Variants in SPTBN1 observed in about 807,000 individuals in gnomAD.
The protein encoded by SPTBN1 is spectrin beta, non-erythrocytic 1.
Under a neutral mutation model 266.4 loss-of-function variants are expected in SPTBN1, and 32 were observed. The ratio of observed to expected loss-of-function variants is 0.12; its 90% CI spans 0.09 to 0.16. The LOEUF (loss-of-function observed/expected upper bound fraction) is 0.16. Among genes scored for constraint, SPTBN1 ranks in the 10% least tolerant of loss-of-function variants. The probability of loss-of-function intolerance (pLI) is 1.00; values close to 1 mark genes in which losing one functional copy is unlikely to be tolerated. For synonymous variants in SPTBN1, 1,336 were observed against 1,162.2 expected (o/e 1.15, Z -3.04); for missense variants, 2,296 against 3,067.1 (o/e 0.75, Z 5.94).
chr2:54,503,524 GAA>G (rs1669387714), intron 1 of SPTBN1, among the ~76,000 whole-genome samples: 1 of 152,226 alleles, frequency 6.6e-6, no homozygotes, highest in Admixed American at 6.5e-5. Context: ...AGCAGAATTT[GAA>G]AGTGTCCAAG....
rs1411591908 is a variant in SPTBN1 at position 54,612,342 on chromosome 2, T to G, written c.474+8T>G. 4 of 1,609,334 alleles carry G rather than the reference T, an allele frequency of 2.5e-6. No individual in the cohort carries two copies. Among genetic ancestry groups the G allele is most frequent in the Non-Finnish European group, 3.4e-6 (4 of 1,177,076 alleles). On this transcript the variant is annotated splice_region_variant and intron_variant, in intron 4 of 35. Coordinates refer to ENST00000356805, the MANE Select transcript of SPTBN1 (RefSeq NM_003128.3). ...ATCATCCTGCGCTTCCAGGTAAGGG[T>G]CTCTGCCCAGGGTTGCTCAGAACTT...
chr2:54,468,099 G>A (rs1424962634), intron 1 of SPTBN1, among the ~76,000 whole-genome samples: 1 of 152,096 alleles, frequency 6.6e-6, no homozygotes, highest in Non-Finnish European at 1.5e-5. Flanking sequence ...ATGAGGTCAG[G>A]AGTTTGAGAC....
chr2:54,631,407 G>T lies in SPTBN1; in HGVS notation c.3360G>T (p.Lys1120Asn), dbSNP rs200312638. 3 of 1,614,284 alleles carry T rather than the reference G, an allele frequency of 1.9e-6. No individual in the cohort carries two copies. The highest frequency in any genetic ancestry group is 2.2e-5 in the East Asian group (1 of 44,892). The stretch of plus-strand genomic sequence containing the variant: ...ACAACTACGAGGAGGACTACCAGAA[G>T]ATGAGGGACATGGGCGAGATGGTCA... Reference protein sequence around the residue: ...EIDNYEEDYQKMRDMGEMVTQ... With the variant: ...EIDNYEEDYQNMRDMGEMVTQ... The change falls in exon 16 of 36, where the codon AAG (lysine) becomes AAT (asparagine). Residue 1120 changes from lysine (K) to asparagine (N), a missense_variant. This residue lies in a region of SPTBN1 where 386 missense variants were observed against 486.1 expected (regional missense o/e 0.79). Transcript: ENST00000356805.
intron 2 of SPTBN1, among the ~76,000 whole-genome samples, chr2:54,578,339 T>C (rs1674629788): frequency 6.6e-6 from 1 of 152,248 alleles, no homozygotes; most frequent in Non-Finnish European, 1.5e-5. Context: ...CTGATTTTTC[T>C]TGACTTTAAA....
intron 32 of SPTBN1, 110 bp downstream of exon 32, chr2:54,660,109 A>C: frequency 6.2e-7 from 1 of 1,605,474 alleles, no homozygotes; most frequent in Non-Finnish European, 8.5e-7. Context: ...TTTGTCAAGA[A>C]TCACCCTTTC....
rs139409056 is a variant in SPTBN1 at position 54,529,370 on chromosome 2, G to T, written c.148+2804G>T. ...GATGGCACCGAAAGTGAAGAAGGAAGCTCCTGGCCCGCCTAAAGCTGAAGC... is the reference window on the plus strand; with the variant it reads ...GATGGCACCGAAAGTGAAGAAGGAATCTCCTGGCCCGCCTAAAGCTGAAGC... On this transcript the variant is annotated intron_variant, in intron 2 of 35. Coordinates refer to ENST00000356805, the MANE Select transcript of SPTBN1 (RefSeq NM_003128.3). 931 of 638,842 alleles carry T rather than the reference G, an allele frequency of 1.5e-3. 1 individual carries two copies. Among genetic ancestry groups the T allele is most frequent in the Admixed American group, 2.8e-3 (130 of 46,468 alleles). The allele number at this position is 638,842 out of a possible 1,614,324, so 39.6% of individuals were successfully genotyped here.
At chr2:54,530,353 CTT>C (rs549491367) in intron 2 of SPTBN1, among the ~76,000 whole-genome samples, 4,321 of 73,470 alleles carry the variant, frequency 0.059, 142 homozygotes, top group African/African-American at 0.22. Context: ...TTGTAAAAAA[CTT>C]TTTTTTTTTT....
intron 2 of SPTBN1, among the ~76,000 whole-genome samples, chr2:54,576,637 G>A (rs966475358): frequency 8.5e-5 from 13 of 152,178 alleles, no homozygotes; most frequent in Admixed American, 5.9e-4. Flanking sequence ...AATAAGTGCC[G>A]TGGAAGAAGG....
intron 2 of SPTBN1, chr2:54,529,578 A>G (rs767877468): frequency 5.6e-6 from 4 of 718,390 alleles, no homozygotes; most frequent in South Asian, 2.7e-5. Flanking sequence ...GCTATCATCA[A>G]GTTTCCTCTG....
chr2:54,631,960 C>G (rs994994333), intron 16 of SPTBN1, among the ~76,000 whole-genome samples: 3 of 151,894 alleles, frequency 2.0e-5, no homozygotes, highest in Non-Finnish European at 4.4e-5. Flanking sequence ...TCCTGTAATC[C>G]CAGCTCTTGG....
intron 1 of SPTBN1, among the ~76,000 whole-genome samples, chr2:54,502,385 G>GC (rs1669322482): frequency 6.6e-6 from 1 of 152,020 alleles, no homozygotes. Flanking sequence ...TTACCTGCAC[G>GC]CCCCCCAACC....
chr2:54,462,499 CT>C (rs1693416308), intron 1 of SPTBN1, among the ~76,000 whole-genome samples: 2 of 152,148 alleles, frequency 1.3e-5, no homozygotes, highest in Admixed American at 1.3e-4. Flanking sequence ...TATTAATGAT[CT>C]TCCTTTACTG....
intron 32 of SPTBN1, chr2:54,661,114 C>G: frequency 1.9e-5 from 19 of 985,368 alleles, no homozygotes; most frequent in Non-Finnish European, 2.0e-5. Context: ...TTGGATTAAT[C>G]TTCTGATTCA....
intron 4 of SPTBN1, among the ~76,000 whole-genome samples, chr2:54,615,829 T>C (rs1262390174): frequency 6.6e-6 from 1 of 152,238 alleles, no homozygotes; most frequent in Non-Finnish European, 1.5e-5. Context: ...TTGCACGTGG[T>C]GTGAAAAATG....
At chr2:54,618,768 T>A (rs1677805453) in intron 7 of SPTBN1, among the ~76,000 whole-genome samples, 1 of 152,126 alleles carries the variant, frequency 6.6e-6, no homozygotes, top group Non-Finnish European at 1.5e-5. Flanking sequence ...AGAGTTTAAA[T>A]GAGGAAGGCA....
chr2:54,589,860 G>A (rs903656117), intron 2 of SPTBN1, among the ~76,000 whole-genome samples: 2 of 152,106 alleles, frequency 1.3e-5, no homozygotes, highest in African/African-American at 4.8e-5. Flanking sequence ...GGCATATAGG[G>A]GGACTCCACC....
chr2:54,632,625 T>C lies in SPTBN1; in HGVS notation c.3624T>C (p.Ile1208=). 1.2e-6 allele frequency: 2 copies of C among 1,614,196 alleles called. No homozygotes were observed. The highest frequency in any genetic ancestry group is 1.7e-6 in the Non-Finnish European group (2 of 1,180,044). ...PTTLEGAEAA[I]KKQEDFMTTM... is the part of the protein sequence containing the mutation. ...CCTTGGAAGGAGCTGAAGCAGCAAT[T>C]AAAAAGCAAGAGGACTTCATGACCA... Residue 1208 remains isoleucine, a synonymous_variant, in exon 17 of 36, where the codon ATT becomes ATC. Transcript: ENST00000356805.
intron 1 of SPTBN1, among the ~76,000 whole-genome samples, chr2:54,520,862 T>A (rs1013737359): frequency 6.6e-6 from 1 of 152,128 alleles, no homozygotes; most frequent in African/African-American, 2.4e-5. Context: ...GCTCTGCTAT[T>A]AGAGGGATGA....
intron 29 of SPTBN1, among the ~76,000 whole-genome samples, chr2:54,656,324 G>T (rs573379562): frequency 6.6e-6 from 1 of 152,290 alleles, no homozygotes; most frequent in African/African-American, 2.4e-5. Context: ...ACAGAATCAA[G>T]TTGGAAAGTT....
Sources: gnomAD v4.1 joint callset for allele counts (sites outside exome capture counted in the v4.1 genomes callset) on GRCh38, gnomAD v4.1.1 for gene constraint, gnomAD v4.1.1 regional missense constraint, MANE v1.5 for transcripts, NCBI Gene and HGNC (gene_info 2026-07-23, HGNC 2026-07-21) for gene names.